Variants in PTPRQ observed in about 807,000 individuals in gnomAD.
The protein encoded by PTPRQ is protein tyrosine phosphatase receptor type Q, also known as phosphatidylinositol phosphatase PTPRQ.
PTPRQ carries 199 observed loss-of-function variants against 246.0 expected under a neutral mutation model. The ratio of observed to expected loss-of-function variants is 0.81; its 90% confidence interval spans 0.72 to 0.91. The LOEUF (loss-of-function observed/expected upper bound fraction) is 0.91. Ranked by LOEUF, PTPRQ falls within the 40% of genes least tolerant of loss-of-function variation. The pLI, the probability that PTPRQ is intolerant of heterozygous loss-of-function variation, is 0.00. For missense variants in PTPRQ, 2,624 were observed against 2,528.4 expected (o/e 1.04, Z -0.81); for synonymous variants, 869 against 853.2 (o/e 1.02, Z -0.32).
intron 6 of PTPRQ, 26 bp from the exon 7 acceptor site, chr12:80,468,684 G>A: frequency 1.3e-6 from 2 of 1,509,878 alleles, no homozygotes. Flanking sequence ...TATATGTTAT[G>A]TATTTATTTT....
At chr12:80,635,110 G>A in intron 35 of PTPRQ, 37 bp downstream of exon 35, 3 of 1,544,946 alleles carry the variant, frequency 1.9e-6, no homozygotes, top group Non-Finnish European at 2.6e-6. Context: ...TGGTCCAGAG[G>A]GCCTGGAGCC....
intron 30 of PTPRQ, among the ~76,000 whole-genome samples, chr12:80,617,122 G>A (rs1898792664): frequency 1.3e-5 from 2 of 151,318 alleles, no homozygotes; most frequent in South Asian, 4.2e-4. Context: ...GGGTCAAACT[G>A]CTGGATTGAA....
chr12:80,609,165 CT>C (rs1196739068), intron 27 of PTPRQ, among the ~76,000 whole-genome samples: 11 of 149,736 alleles, frequency 7.3e-5, no homozygotes, highest in African/African-American at 2.7e-4. Context: ...ATAGCAACAT[CT>C]TTTTTTTAAA....
intron 14 of PTPRQ, among the ~76,000 whole-genome samples, chr12:80,499,965 C>T (rs568631013): frequency 6.6e-6 from 1 of 151,924 alleles, no homozygotes; most frequent in Admixed American, 6.6e-5. Context: ...AAGACACAAC[C>T]ATCTTTACTG....
intron 25 of PTPRQ, among the ~76,000 whole-genome samples, chr12:80,570,768 G>A (rs1037703040): frequency 6.6e-6 from 1 of 152,158 alleles, no homozygotes; most frequent in Non-Finnish European, 1.5e-5. Context: ...TGTATAAGGT[G>A]TAAGGAAGGG....
At chr12:80,612,384 T>G (rs1898584303) in intron 28 of PTPRQ, among the ~76,000 whole-genome samples, 1 of 150,456 alleles carries the variant, frequency 6.6e-6, no homozygotes, top group South Asian at 2.1e-4. Flanking sequence ...GAGACATTGT[T>G]GGTAAAACAA....
intron 3 of PTPRQ, among the ~76,000 whole-genome samples, chr12:80,449,724 C>A (rs11513912): frequency 1.3e-5 from 2 of 151,902 alleles, no homozygotes; most frequent in African/African-American, 4.8e-5. Context: ...TGTTCTGTTC[C>A]ATTGATCTAT....
chr12:80,638,151 C>A (rs1899726543), intron 35 of PTPRQ, among the ~76,000 whole-genome samples: 1 of 151,854 alleles, frequency 6.6e-6, no homozygotes, highest in Admixed American at 6.6e-5. Context: ...GCCTGTAATC[C>A]CAGCTACTCA....
Position 80,673,290 on chromosome 12 carries a change from A to G in PTPRQ, c.6724A>G (p.Met2242Val), listed in dbSNP as rs745487589. The G allele has an allele frequency of 3.2e-6, 5 of 1,549,922 alleles. No individual in the cohort carries two copies. The Admixed American group carries it at 5.9e-5, about 18-fold the overall frequency. The change falls in exon 43 of 45, where the codon ATG becomes GTG. Residue 2242 changes from methionine to valine, a missense_variant. Met to Val is a conservative substitution (Grantham distance 21, BLOSUM62 1). Coordinates refer to ENST00000644991, the MANE Select transcript of PTPRQ (RefSeq NM_001145026.2). ...TGAACTGAGAAGTGAAAGAATGTGC[A>G]TGGTGCAGAATCTGGTAAGATCTCT... ...VAELRSERMC[M>V]VQNLAQYIFL... is the part of the protein sequence containing the mutation.
chr12:80,485,121 C>T (rs61950956), intron 9 of PTPRQ, among the ~76,000 whole-genome samples: 6,891 of 151,632 alleles, frequency 0.045, 172 homozygotes, highest in Middle Eastern at 0.09. Flanking sequence ...AAATTTAAGT[C>T]GTTTCATAGA....
chr12:80,672,275 C>CA (rs1347523923), intron 42 of PTPRQ, among the ~76,000 whole-genome samples: 4 of 151,388 alleles, frequency 2.6e-5, no homozygotes, highest in Non-Finnish European at 2.9e-5. Context: ...GTTTGACACT[C>CA]AAAATATATT....
In PTPRQ at chr12:80,586,229, G is replaced by A. The variant is rs940667642; in HGVS notation, c.4286-1900G>A. On this transcript the variant is annotated intron_variant, in intron 25 of 44. Transcript: ENST00000644991. ...AAACAAACAACCCCATCAAAAAGTG[G>A]GCGAAGGACATGAACAGACACTTCT... Among the ~76,000 whole-genome samples the A allele has an allele frequency of 4.0e-5, 6 of 151,840 alleles. No individual in the cohort carries two copies. In the South Asian group the frequency reaches 1.0e-3, roughly 26 times the overall value.
At chr12:80,678,936 T>G in intron 44 of PTPRQ, 50 bp from the exon 45 acceptor site, 1 of 1,507,788 alleles carries the variant, frequency 6.6e-7, no homozygotes, top group African/African-American at 1.4e-5. Context: ...ATTTCAATTT[T>G]GAACTGTTAA....
intron 26 of PTPRQ, among the ~76,000 whole-genome samples, chr12:80,589,240 A>G (rs2121022017): frequency 6.6e-6 from 1 of 152,290 alleles, no homozygotes; most frequent in South Asian, 2.1e-4. Flanking sequence ...GATGGTTACT[A>G]TGCAACATAA....
rs1302292903 is a variant in PTPRQ at position 80,484,428 on chromosome 12, C to CTTT, written c.1187-3_1187-2insTTT. On this transcript the variant is annotated splice_region_variant and splice_polypyrimidine_tract_variant and intron_variant, in intron 8 of 44. Transcript: ENST00000644991. ...TTTTCTTTTCTTTCTTTCTTTCTTT[C>CTTT]TTAGTTCCAGGGGCAGTGTTTGATT... 2.0e-6 allele frequency: 3 copies of CTTT among 1,507,154 alleles called. No homozygotes were observed. The highest frequency in any genetic ancestry group is 2.8e-5 in the African/African-American group (2 of 70,328). The allele number at this position is 1,507,154 out of a possible 1,614,324, so 93.4% of individuals were successfully genotyped here.
At chr12:80,510,490 T>G (rs1186262813) in intron 17 of PTPRQ, 47 bp downstream of exon 17, 1 of 1,463,560 alleles carries the variant, frequency 6.8e-7, no homozygotes, top group Non-Finnish European at 9.1e-7. Context: ...GATATTAATC[T>G]GTAACATAAT....
At chr12:80,553,347 G>A (rs911039239) in intron 25 of PTPRQ, among the ~76,000 whole-genome samples, 4 of 148,160 alleles carry the variant, frequency 2.7e-5, no homozygotes, top group East Asian at 1.9e-4. Context: ...ATATTTATTA[G>A]GTAATTGATT....
intron 35 of PTPRQ, among the ~76,000 whole-genome samples, chr12:80,646,884 A>T (rs748497133): frequency 4.6e-5 from 7 of 152,214 alleles, no homozygotes; most frequent in Non-Finnish European, 8.8e-5. Flanking sequence ...TATTCAATTA[A>T]TCATAACTTC....
chr12:80,543,337 A>AT (rs11434400), intron 23 of PTPRQ, among the ~76,000 whole-genome samples: 133,239 of 149,132 alleles, frequency 0.89, 59,651 homozygotes, highest in Non-Finnish European at 0.92. Context: ...ATATATCCTT[A>AT]TTTTTTTTTT....
Sources: gnomAD v4.1 joint callset for allele counts (sites outside exome capture counted in the v4.1 genomes callset) on GRCh38, gnomAD v4.1.1 for gene constraint, MANE v1.5 for transcripts, NCBI Gene and HGNC (gene_info 2026-07-23, HGNC 2026-07-21) for gene names.